The following ZNF281 variants were observed in gnomAD, a reference collection of about 807,000 sequenced individuals.
ZNF281 encodes the protein GC-box-binding zinc finger protein 1.
A neutral mutation model predicts 58.8 loss-of-function variants in ZNF281; 2 were observed. That is an observed-to-expected ratio of 0.03 (90% CI 0.01 to 0.11). ZNF281 has a LOEUF of 0.11. ZNF281 is among the 10% of genes least tolerant of loss of function. ZNF281 has a pLI of 1.00. For missense variants in ZNF281, 975 were observed against 1,090.7 expected, an observed-to-expected ratio of 0.89 and a Z score of 1.49; for synonymous variants, 465 against 407.7, an observed-to-expected ratio of 1.14 and a Z score of -1.69.
rs1252349200 is a variant in ZNF281, at chr1:200,409,539, C to A, written c.167G>T (p.Arg56Leu). 3 of 1,549,672 alleles carry A rather than the reference C, an allele frequency of 1.9e-6. No homozygotes were observed. Among genetic ancestry groups the A allele is most frequent in the African/African-American group, 2.7e-5 (2 of 72,902 alleles). The change falls in exon 2 of 2, where the codon CGT becomes CTT. Residue 56 changes from arginine (R) to leucine (L), a missense_variant. Transcript: ENST00000367353. ...FPQGMVMFNH[R>L]LPPVTSFTRP... ...GGTGAAGCTGGTGACCGGGGGAAGA[C>A]GGTGGTTGAACATAACCATACCCTG...
rs1128817 is a variant in ZNF281, at chr1:200,406,081, G to A, written c.*937C>T. 0.23 allele frequency: 35,099 copies of A among 152,052 alleles called. 4,108 individuals are homozygous for A. The highest frequency in any genetic ancestry group is 0.32 in the Middle Eastern group (93 of 292). The allele number at this position is 152,052 out of a possible 1,614,324, so 9.4% of individuals were successfully genotyped here. A position where few individuals can be genotyped will look rare whatever the true frequency, so the allele number is the denominator to read the frequency against. On this transcript the variant is annotated 3_prime_UTR_variant, in exon 2 of 2. Transcript: ENST00000367353. ...AAAAACCCAGAAGTGTAGGTAATAC[G>A]TAACAGCGCAGACAGAACCGTTGTA...
chr1:200,409,948 G>C lies in ZNF281; in HGVS notation c.-21C>G. 49 of 414,004 alleles carry C rather than the reference G, an allele frequency of 1.2e-4. No individual in the cohort carries two copies. Among genetic ancestry groups the C allele is most frequent in the South Asian group, 4.9e-4 (12 of 24,464 alleles). 25.6% of individuals were successfully genotyped at this position (414,004 alleles called of 1,614,324 possible). ...CTGGACCCACCGGCAATACTTACGG[G>C]TCCCGCCGCCGCCGCAGCCGCCGTC... On this transcript the variant is annotated splice_region_variant and 5_prime_UTR_variant, in exon 1 of 2. Transcript: ENST00000367353.
In ZNF281 at chr1:200,409,620, C is replaced by CCGCCGA; in HGVS notation, c.85_86insTCGGCG (p.Gly28_Gly29insValGly). ...GCCGCTGCTGCCGCCGCCGCCGCCG[C>CCGCCGA]CGCCACTACCACCGCCGCCGGAGCC... On this transcript the variant is annotated inframe_insertion, in exon 2 of 2. Coordinates refer to ENST00000367353, the MANE Select transcript of ZNF281 (RefSeq NM_001281293.2). The CCGCCGA allele has an allele frequency of 6.4e-7, 1 of 1,550,560 alleles. No individual in the cohort carries two copies. The highest frequency in any genetic ancestry group is 8.7e-7 in the Non-Finnish European group (1 of 1,147,972).
Position 200,409,052 on chromosome 1 carries a change from G to A in ZNF281, c.654C>T (p.Val218=). The A allele has an allele frequency of 2.5e-6, 4 of 1,614,116 alleles. No homozygotes were observed. The highest frequency in any genetic ancestry group is 3.4e-6 in the Non-Finnish European group (4 of 1,180,020). ...GTEEPKQDTN[V]KKAKRPKPES... ...CTGGCTTTGGCCTTTTTGCCTTTTTGACATTAGTGTCCTGCTTTGGCTCCT... is the reference window on the plus strand; with the variant it reads ...CTGGCTTTGGCCTTTTTGCCTTTTTAACATTAGTGTCCTGCTTTGGCTCCT... Residue 218 remains valine (V), a synonymous_variant, in exon 2 of 2, where the codon GTC becomes GTT. Coordinates refer to ENST00000367353, the MANE Select transcript of ZNF281 (RefSeq NM_001281293.2).
chr1:200,409,607 G>T lies in ZNF281; in HGVS notation c.99C>A (p.Gly33=). Residue 33 remains glycine, a synonymous_variant, in exon 2 of 2, where the codon GGC becomes GGA. Transcript: ENST00000367353. The part of the protein sequence containing the change: ...GGGGSGGGGG[G]GSSGRRAEME... ...TCTCTGCCCTCCTGCCGCTGCTGCC[G>T]CCGCCGCCGCCGCCGCCACTACCAC... The T allele has an allele frequency of 6.5e-7, 1 of 1,547,140 alleles. No individual in the cohort carries two copies. The highest frequency in any genetic ancestry group is 2.4e-5 in the East Asian group (1 of 40,864).
In ZNF281 at chr1:200,409,603, T is replaced by TGCCGCCGCCGCCGCCGCTGCC; in HGVS notation, c.102_103insGGCAGCGGCGGCGGCGGCGGC (p.Gly34_Ser35insGlySerGlyGlyGlyGlyGly). 1 of 1,548,058 alleles carries TGCCGCCGCCGCCGCCGCTGCC rather than the reference T, an allele frequency of 6.5e-7. No homozygotes were observed. Among genetic ancestry groups the TGCCGCCGCCGCCGCCGCTGCC allele is most frequent in the East Asian group, 2.4e-5 (1 of 40,834 alleles). ...TCCATCTCTGCCCTCCTGCCGCTGC[T>TGCCGCCGCCGCCGCCGCTGCC]GCCGCCGCCGCCGCCGCCGCCACTA... On this transcript the variant is annotated inframe_insertion, in exon 2 of 2. Transcript: ENST00000367353.
Position 200,408,496 on chromosome 1 carries a change from T to G in ZNF281, c.1210A>C (p.Arg404=). 6.2e-7 allele frequency: 1 copy of G among 1,614,230 alleles called. No individual in the cohort carries two copies. Among genetic ancestry groups the G allele is most frequent in the Non-Finnish European group, 8.5e-7 (1 of 1,180,044 alleles). ...GCTATGCTTTTTGACTTTGTTTTTC[T>G]CCTTGAAGAACTTGTATTTCCCTGA... The part of the protein sequence containing the change: ...LSQGNTSSSR[R]KTKSKSIAIE... Residue 404 remains arginine (R), a synonymous_variant, in exon 2 of 2, where the codon AGA becomes CGA. Coordinates refer to ENST00000367353, the MANE Select transcript of ZNF281 (RefSeq NM_001281293.2).
rs540071956 is a variant in ZNF281 at position 200,406,934 on chromosome 1, C to T, written c.*84G>A. ...GGCATCACATTATTCTTAATAGGAT[C>T]GTGTAGAAACATTCCAATGGCAGTG... On this transcript the variant is annotated 3_prime_UTR_variant, in exon 2 of 2. Transcript: ENST00000367353. 11 of 1,329,676 alleles carry T rather than the reference C, an allele frequency of 8.3e-6. No individual in the cohort carries two copies. The Admixed American group carries it at 1.4e-4, about 17-fold the overall frequency. 82.4% of individuals were successfully genotyped at this position (1,329,676 alleles called of 1,614,324 possible). A position where few individuals can be genotyped will look rare whatever the true frequency, so the allele number is the denominator to read the frequency against.
At position 200,406,987 on chromosome 1, in the gene ZNF281, G is replaced by C; in HGVS notation, c.*31C>G. The C allele has an allele frequency of 1.3e-6, 2 of 1,554,980 alleles. No homozygotes were observed. The highest frequency in any genetic ancestry group is 1.2e-5 in the South Asian group (1 of 82,408). On this transcript the variant is annotated 3_prime_UTR_variant, in exon 2 of 2. Coordinates refer to ENST00000367353, the MANE Select transcript of ZNF281 (RefSeq NM_001281293.2). ...CTCAAAATAAAACAAAATTACATTA[G>C]AAGACCTCCAGCCTGGCCACTTTTG...
Position 200,407,314 on chromosome 1 carries a change from C to G in ZNF281, c.2392G>C (p.Glu798Gln). The G allele has an allele frequency of 1.2e-6, 2 of 1,614,110 alleles. No individual in the cohort carries two copies. Among genetic ancestry groups the G allele is most frequent in the South Asian group, 1.1e-5 (1 of 91,078 alleles). ...GGAATCTGAAAGCCTGTTGAAGACT[C>G]TAAGTTTTTCTGTTCCTTCTGGCTA... The part of the protein sequence containing the change: ...LTSQKEQKNL[E>Q]SSTGFQIPSQ... The change falls in exon 2 of 2, where the codon GAG becomes CAG. Residue 798 changes from glutamate (E) to glutamine (Q), a missense_variant. By Grantham distance (29) the Glu-to-Gln change is conservative. This residue lies in a region of ZNF281 where 579 missense variants were observed against 608.9 expected (regional missense o/e 0.95). Transcript: ENST00000367353.
Position 200,408,629 on chromosome 1 carries a change from T to C in ZNF281, c.1077A>G (p.Arg359=). The change falls in exon 2 of 2, where the codon AGA becomes AGG. Residue 359 remains arginine, a synonymous_variant. Transcript: ENST00000367353. ...TCQQYFSRTD[R]LLKHRRTCGE... is the part of the protein sequence containing the mutation. ...CACATGTGCGCCTGTGCTTCAACAA[T>C]CTATCAGTCCTTGAAAAATACTGTT... The C allele has an allele frequency of 1.2e-6, 2 of 1,614,226 alleles. No homozygotes were observed. Among genetic ancestry groups the C allele is most frequent in the Non-Finnish European group, 8.5e-7 (1 of 1,180,036 alleles).
chr1:200,409,438 G>A lies in ZNF281; in HGVS notation c.268C>T (p.Pro90Ser), dbSNP rs1054061831. ...ATGTCCGGGGCTGGCGGAGGGGGGG[G>A]CTCAGCGGCCGGGGCTGCGGAGGTA... ...SSTSAAPAAE[P>S]PPPPAPDMTF... Residue 90 changes from proline (P) to serine (S), a missense_variant, in exon 2 of 2, where the codon CCC becomes TCC. Around this residue, in one of 3 missense-constraint regions of ZNF281, gnomAD observed 370 missense variants for 360.9 expected, o/e 1.03. Coordinates refer to ENST00000367353, the MANE Select transcript of ZNF281 (RefSeq NM_001281293.2). 25 of 1,524,186 alleles carry A rather than the reference G, an allele frequency of 1.6e-5. No individual in the cohort carries two copies. Among genetic ancestry groups the A allele is most frequent in the Non-Finnish European group, 2.2e-5 (25 of 1,132,472 alleles). The allele number at this position is 1,524,186 out of a possible 1,614,324, so 94.4% of individuals were successfully genotyped here.
chr1:200,406,951 A>G lies in ZNF281; in HGVS notation c.*67T>C. On this transcript the variant is annotated 3_prime_UTR_variant, in exon 2 of 2. Transcript: ENST00000367353. Reference sequence around the variant, plus strand: ...AATAGGATCGTGTAGAAACATTCCAATGGCAGTGTTCTCAAAATAAAACAA... The same window carrying G: ...AATAGGATCGTGTAGAAACATTCCAGTGGCAGTGTTCTCAAAATAAAACAA... 3 of 1,453,310 alleles carry G rather than the reference A, an allele frequency of 2.1e-6. No individual in the cohort carries two copies. Among genetic ancestry groups the G allele is most frequent in the Non-Finnish European group, 2.8e-6 (3 of 1,084,764 alleles). The allele number at this position is 1,453,310 out of a possible 1,614,324, so 90.0% of individuals were successfully genotyped here.
At position 200,409,530 on chromosome 1, in the gene ZNF281, G is replaced by T; in HGVS notation, c.176C>A (p.Pro59Gln). The stretch of plus-strand genomic sequence containing the variant: ...CGCCGGCCGGGTGAAGCTGGTGACC[G>T]GGGGAAGACGGTGGTTGAACATAAC... ...GMVMFNHRLPPVTSFTRPAGS... is the reference protein window; with the variant it reads ...GMVMFNHRLPQVTSFTRPAGS... Residue 59 changes from proline to glutamine, a missense_variant, in exon 2 of 2, where the codon CCG (proline) becomes CAG (glutamine). Pro to Gln is a moderately conservative substitution (Grantham distance 76). Coordinates refer to ENST00000367353, the MANE Select transcript of ZNF281 (RefSeq NM_001281293.2). 1 of 1,549,830 alleles carries T rather than the reference G, an allele frequency of 6.5e-7. No individual in the cohort carries two copies. The highest frequency in any genetic ancestry group is 8.7e-7 in the Non-Finnish European group (1 of 1,146,666).
rs1055492128 is a variant in ZNF281, at chr1:200,407,919, C to G, written c.1787G>C (p.Cys596Ser). 2 of 1,614,046 alleles carry G rather than the reference C, an allele frequency of 1.2e-6. No individual in the cohort carries two copies. Among genetic ancestry groups the G allele is most frequent in the African/African-American group, 1.3e-5 (1 of 74,980 alleles). Residue 596 changes from cysteine (C) to serine (S), a missense_variant, in exon 2 of 2, where the codon TGT becomes TCT. Physicochemically the swap from Cys to Ser is moderately radical, Grantham distance 112 (BLOSUM62 -1). Transcript: ENST00000367353. ...SSALNAEIKS[C>S]HDKSGIPDEV... ...ATCAGGAATTCCAGACTTGTCATGACAAGATTTAATTTCAGCATTTAGAGC... is the reference window on the plus strand; with the variant it reads ...ATCAGGAATTCCAGACTTGTCATGAGAAGATTTAATTTCAGCATTTAGAGC...
chr1:200,409,713 A>G lies in ZNF281; in HGVS notation c.-8T>C, dbSNP rs537116154. 1.0e-4 allele frequency: 161 copies of G among 1,593,896 alleles called. 1 individual carries two copies. The South Asian group carries it at 1.8e-3, about 18-fold the overall frequency. ...CCCACTGCCGATTTTCATACCCCGG[A>G]GGAGGCCTGGCTGAAGAAAGGAGGA... On this transcript the variant is annotated 5_prime_UTR_variant, in exon 2 of 2. Transcript: ENST00000367353.
Position 200,409,439 on chromosome 1 carries a change from C to T in ZNF281, c.267G>A (p.Glu89=), listed in dbSNP as rs61733911. The T allele has an allele frequency of 7.4e-3, 11,208 of 1,523,304 alleles. 712 individuals are homozygous for T. The African/African-American group carries it at 0.13, about 18-fold the overall frequency. 94.4% of individuals were successfully genotyped at this position (1,523,304 alleles called of 1,614,324 possible). Residue 89 remains glutamate, a synonymous_variant, in exon 2 of 2, where the codon GAG becomes GAA. Coordinates refer to ENST00000367353, the MANE Select transcript of ZNF281 (RefSeq NM_001281293.2). The part of the protein sequence containing the change: ...SSSTSAAPAA[E]PPPPPAPDMT... ...TGTCCGGGGCTGGCGGAGGGGGGGG[C>T]TCAGCGGCCGGGGCTGCGGAGGTAG...
rs1654431480 is a variant in ZNF281, at chr1:200,405,757, G to GACACATTCTTATCCCTCACAGGAGTTAA, written c.*1260_*1261insTTAACTCCTGTGAGGGATAAGAATGTGT. The GACACATTCTTATCCCTCACAGGAGTTAA allele has an allele frequency of 6.6e-6, 1 of 152,052 alleles. No homozygotes were observed. The highest frequency in any genetic ancestry group is 1.9e-4 in the East Asian group (1 of 5,192). The allele number at this position is 152,052 out of a possible 1,614,324, so 9.4% of individuals were successfully genotyped here. ...GGTTCTGATGTTATTACTATAAGCA[G>GACACATTCTTATCCCTCACAGGAGTTAA]ACACATTCTTATCCCTCACAGGAGT... On this transcript the variant is annotated 3_prime_UTR_variant, in exon 2 of 2. Coordinates refer to ENST00000367353, the MANE Select transcript of ZNF281 (RefSeq NM_001281293.2).
rs1382753491 is a variant in ZNF281 at position 200,408,243 on chromosome 1, T to C, written c.1463A>G (p.Asp488Gly). 1 of 1,612,126 alleles carries C rather than the reference T, an allele frequency of 6.2e-7. No homozygotes were observed. Among genetic ancestry groups the C allele is most frequent in the Non-Finnish European group, 8.5e-7 (1 of 1,180,002 alleles). The stretch of plus-strand genomic sequence containing the variant: ...AGACAAGGATTTCTGTCCTACTATG[T>C]CTGGTAATGGTGACACAAAGTTAAG... ...NYLNFVSPLP[D>G]IVGQKSLSGK... Residue 488 changes from aspartate (D) to glycine (G), a missense_variant, in exon 2 of 2, where the codon GAC becomes GGC. Physicochemically the swap from Asp to Gly is moderately conservative, Grantham distance 94. Around this residue, in one of 3 missense-constraint regions of ZNF281, gnomAD observed 579 missense variants for 608.9 expected, o/e 0.95. Transcript: ENST00000367353.
Sources: gnomAD v4.1 joint callset for allele counts on GRCh38, gnomAD v4.1.1 for gene constraint, gnomAD v4.1.1 regional missense constraint, MANE v1.5 for transcripts, NCBI Gene and HGNC (gene_info 2026-07-23, HGNC 2026-07-21) for gene names.